Variants in ADAM32 observed in about 807,000 individuals in gnomAD.
The protein encoded by ADAM32 is ADAM metallopeptidase domain 32.
In ADAM32, 89 loss-of-function variants were observed where a neutral mutation model predicts 114.9. The observed-to-expected ratio is 0.77, with a 90% CI of 0.65 to 0.92. The LOEUF is 0.92. Ranked by LOEUF, ADAM32 falls within the 40% of genes least tolerant of loss-of-function variation. The probability of loss-of-function intolerance (pLI) is 0.00; values close to 1 mark genes in which losing one functional copy is unlikely to be tolerated. For synonymous variants in ADAM32, 285 were observed against 307.5 expected, an observed-to-expected ratio of 0.93 and a Z score of 0.77; for missense variants, 870 against 932.8, an observed-to-expected ratio of 0.93 and a Z score of 0.88.
chr8:39,262,475 G>A (rs573222160), intron 19 of ADAM32, among the ~76,000 whole-genome samples: 1 of 152,240 alleles, frequency 6.6e-6, no homozygotes, highest in Non-Finnish European at 1.5e-5. Flanking sequence ...GAGTCTGGTA[G>A]TACAATTCTT....
At position 39,221,599 on chromosome 8, in the gene ADAM32, C is replaced by T. The variant is rs773402504; in HGVS notation, c.1234-11C>T. 2 of 1,598,608 alleles carry T rather than the reference C, an allele frequency of 1.3e-6. No individual in the cohort carries two copies. Among genetic ancestry groups the T allele is most frequent in the Non-Finnish European group, 1.7e-6 (2 of 1,167,530 alleles). On this transcript the variant is annotated splice_polypyrimidine_tract_variant and intron_variant, in intron 12 of 24. Transcript: ENST00000379907. ...GATGTATTTTTACTTGTACATTTCA[C>T]TAATTCATAGCAATGTGGACCTGCA...
intron 7 of ADAM32, among the ~76,000 whole-genome samples, chr8:39,161,656 T>C (rs1239046236): frequency 1.3e-5 from 2 of 152,196 alleles, no homozygotes; most frequent in Admixed American, 6.5e-5. Context: ...TGTATACCTA[T>C]GGAATACCAC....
chr8:39,272,337 A>C (rs1812786604), intron 20 of ADAM32, among the ~76,000 whole-genome samples: 1 of 152,150 alleles, frequency 6.6e-6, no homozygotes, highest in Non-Finnish European at 1.5e-5. Context: ...GCAGTACACT[A>C]ATTCAGTCAT....
rs1165446503 is a variant in ADAM32 at position 39,149,920 on chromosome 8, G to A, written c.353+53G>A. On this transcript the variant is annotated intron_variant, in intron 5 of 24. Coordinates refer to ENST00000379907, the MANE Select transcript of ADAM32 (RefSeq NM_145004.7). ...ACCTTAGTTATGATATTTGGCTGCAGTGAATTTGTTCTCTTTGTATTAAGT... is the reference window on the plus strand; with the variant it reads ...ACCTTAGTTATGATATTTGGCTGCAATGAATTTGTTCTCTTTGTATTAAGT... The A allele has an allele frequency of 7.5e-6, 11 of 1,459,232 alleles. No individual in the cohort carries two copies. In the East Asian group the frequency reaches 9.2e-5, roughly 12 times the overall value. 90.4% of individuals were successfully genotyped at this position (1,459,232 alleles called of 1,614,324 possible). A position where few individuals can be genotyped will look rare whatever the true frequency, so the allele number is the denominator to read the frequency against.
intron 16 of ADAM32, 76 bp from the exon 17 acceptor site, chr8:39,246,007 A>G (rs1326939886): frequency 1.7e-6 from 2 of 1,151,478 alleles, no homozygotes; most frequent in African/African-American, 3.1e-5. Context: ...TTTATATCAT[A>G]TAATTATTTA....
In ADAM32 at chr8:39,114,660, CCAGT is replaced by C. The variant is rs1173407363; in HGVS notation, c.59-3423_59-3420del. 3.3e-4 allele frequency among the ~76,000 whole-genome samples: 50 copies of C among 152,212 alleles called. 1 individual carries two copies. Among genetic ancestry groups the C allele is most frequent in the South Asian group, 2.3e-3 (11 of 4,808 alleles). On this transcript the variant is annotated intron_variant, in intron 1 of 24. Transcript: ENST00000379907. ...CTGCCACTTCAGAATTCCCTGATTC[CCAGT>C]CAAAGCAAGGAATCATGTTTAAAAA...
intron 19 of ADAM32, among the ~76,000 whole-genome samples, chr8:39,263,184 G>T (rs1323057140): frequency 5.3e-5 from 8 of 151,946 alleles, no homozygotes; most frequent in African/African-American, 1.7e-4. Flanking sequence ...GAATTTTTTT[G>T]CTTTATGTTC....
At chr8:39,241,115 G>T (rs1487119200) in intron 16 of ADAM32, among the ~76,000 whole-genome samples, 3 of 152,188 alleles carry the variant, frequency 2.0e-5, no homozygotes, top group Non-Finnish European at 4.4e-5. Context: ...ATCCAGCAGG[G>T]CAGTGAAATC....
intron 23 of ADAM32, among the ~76,000 whole-genome samples, chr8:39,281,622 A>C (rs1813423565): frequency 6.6e-6 from 1 of 152,188 alleles, no homozygotes; most frequent in South Asian, 2.1e-4. Flanking sequence ...TATTATAAAC[A>C]CACTAAAATT....
intron 12 of ADAM32, among the ~76,000 whole-genome samples, chr8:39,218,216 A>G (rs1808721457): frequency 6.6e-6 from 1 of 151,910 alleles, no homozygotes; most frequent in Non-Finnish European, 1.5e-5. Flanking sequence ...CTCTCAAACA[A>G]ATGGAATTTC....
At chr8:39,164,235 G>C (rs1028295847) in intron 7 of ADAM32, among the ~76,000 whole-genome samples, 4 of 152,172 alleles carry the variant, frequency 2.6e-5, no homozygotes, top group Admixed American at 2.6e-4. Flanking sequence ...CAAGCAGTCT[G>C]TATCCTTTTG....
At chr8:39,134,656 C>T (rs907063341) in intron 2 of ADAM32, among the ~76,000 whole-genome samples, 3 of 152,008 alleles carry the variant, frequency 2.0e-5, no homozygotes, top group Non-Finnish European at 2.9e-5. Flanking sequence ...TCATGGCCTC[C>T]GATAATCAAC....
At chr8:39,242,938 T>A (rs116519735) in intron 16 of ADAM32, among the ~76,000 whole-genome samples, 8,132 of 152,022 alleles carry the variant, frequency 0.053, 747 homozygotes, top group African/African-American at 0.18. Flanking sequence ...CAATTAGAAA[T>A]GAAATGGGAG....
At chr8:39,153,348 C>T (rs778442952) in intron 6 of ADAM32, among the ~76,000 whole-genome samples, 17 of 152,154 alleles carry the variant, frequency 1.1e-4, no homozygotes, top group Non-Finnish European at 2.4e-4. Context: ...CAGTGCCCTG[C>T]CCAGAACCCC....
Position 39,221,624 on chromosome 8 carries a change from A to C in ADAM32, c.1248A>C (p.Ala416=). 5 of 1,611,580 alleles carry C rather than the reference A, an allele frequency of 3.1e-6. No individual in the cohort carries two copies. Among genetic ancestry groups the C allele is most frequent in the Non-Finnish European group, 4.2e-6 (5 of 1,178,428 alleles). ...DCGTEAQCGP[A]SCCDFRTCVL... ...CTAATTCATAGCAATGTGGACCTGC[A>C]AGCTGTTGTGATTTTCGAACTTGTG... Residue 416 remains alanine, a synonymous_variant, in exon 13 of 25, where the codon GCA becomes GCC. Transcript: ENST00000379907.
Position 39,143,959 on chromosome 8 carries a change from G to A in ADAM32, c.201-3171G>A, listed in dbSNP as rs148572034. Among the ~76,000 whole-genome samples the A allele has an allele frequency of 5.1e-4, 77 of 152,318 alleles. No homozygotes were observed. The East Asian group carries it at 0.015, about 29-fold the overall frequency. On this transcript the variant is annotated intron_variant, in intron 3 of 24. Transcript: ENST00000379907. ...ACCCTTCCCCCAATTAAGCTGCAGT[G>A]TTGCAGGGCAATCTCAGACTGCTGC...
Position 39,196,807 on chromosome 8 carries a change from G to T in ADAM32, c.1052+9762G>T, listed in dbSNP as rs557113578. The stretch of plus-strand genomic sequence containing the variant: ...TTGGCCTGTAGTTTTCTTTTTTTTT[G>T]TTGTGTCCTTGTCTGATTTTCCTAT... On this transcript the variant is annotated intron_variant, in intron 11 of 24. Transcript: ENST00000379907. 2.2e-4 allele frequency among the ~76,000 whole-genome samples: 34 copies of T among 151,122 alleles called. No homozygotes were observed. The South Asian group carries it at 6.5e-3, about 29-fold the overall frequency.
At chr8:39,145,758 G>T (rs556497396) in intron 3 of ADAM32, among the ~76,000 whole-genome samples, 1 of 151,880 alleles carries the variant, frequency 6.6e-6, no homozygotes, top group Non-Finnish European at 1.5e-5. Context: ...TTGAGACAGG[G>T]TCTCTCTCTG....
chr8:39,250,098 T>C (rs926463769), intron 17 of ADAM32, among the ~76,000 whole-genome samples: 17 of 152,090 alleles, frequency 1.1e-4, no homozygotes, highest in African/African-American at 4.1e-4. Flanking sequence ...AGGGGTTGCT[T>C]GATCTGTGAT....
Sources: gnomAD v4.1 joint callset for allele counts (sites outside exome capture counted in the v4.1 genomes callset) on GRCh38, gnomAD v4.1.1 for gene constraint, MANE v1.5 for transcripts, NCBI Gene and HGNC (gene_info 2026-07-23, HGNC 2026-07-21) for gene names.